FIG4: variants seen among roughly 807,000 people sequenced by gnomAD.
FIG4 encodes the protein FIG4 phosphoinositide 5-phosphatase, also known as polyphosphoinositide phosphatase.
Under a neutral mutation model 118.6 loss-of-function variants are expected in FIG4, and 112 were observed. The observed-to-expected ratio is 0.94, with a 90% confidence interval of 0.81 to 1.11. The LOEUF is 1.11. Ranked by LOEUF, FIG4 falls within the 50% of genes least tolerant of loss-of-function variation. The pLI is 0.00. For missense variants in FIG4, 969 were observed against 1,111.7 expected (o/e 0.87, Z 1.83); for synonymous variants, 369 against 381.2 (o/e 0.97, Z 0.37).
At chr6:109,794,825 C>T (rs1010817687) in intron 21 of FIG4, among the ~76,000 whole-genome samples, 1 of 152,214 alleles carries the variant, frequency 6.6e-6, no homozygotes, top group Non-Finnish European at 1.5e-5. Context: ...TGGCCTATCA[C>T]AGAACCAGTG....
At chr6:109,709,505 A>C (rs376297123) in intron 1 of FIG4, among the ~76,000 whole-genome samples, 63 of 152,290 alleles carry the variant, frequency 4.1e-4, no homozygotes, top group African/African-American at 4.1e-4. Context: ...GAAAAATGTC[A>C]GTGGTAGTTT....
intron 22 of FIG4, among the ~76,000 whole-genome samples, chr6:109,797,335 CTTAACTGCTGTGTTGT>C (rs1198747615): frequency 6.6e-6 from 1 of 152,150 alleles, no homozygotes; most frequent in Non-Finnish European, 1.5e-5. Flanking sequence ...GAGCAAATGA[CTTAACTGCTGTGTTGT>C]TGAGTTTCCT....
In FIG4 at chr6:109,760,199, C is replaced by T. The variant is rs377546853; in HGVS notation, c.1138-51C>T. The stretch of plus-strand genomic sequence containing the variant: ...TAAAAGTAAACATGTTGAGCCTGTT[C>T]CTCTGATTTAAGGAAATTAGAACAC... On this transcript the variant is annotated intron_variant, in intron 10 of 22. Coordinates refer to ENST00000230124, the MANE Select transcript of FIG4 (RefSeq NM_014845.6). The T allele has an allele frequency of 5.3e-6, 8 of 1,514,584 alleles. No individual in the cohort carries two copies. In the African/African-American group the frequency reaches 5.5e-5, roughly 10 times the overall value. 93.8% of individuals were successfully genotyped at this position (1,514,584 alleles called of 1,614,324 possible). A position where few individuals can be genotyped will look rare whatever the true frequency, so the allele number is the denominator to read the frequency against.
chr6:109,704,485 G>A (rs1171633980), intron 1 of FIG4, among the ~76,000 whole-genome samples: 3 of 151,964 alleles, frequency 2.0e-5, no homozygotes, highest in Admixed American at 2.0e-4. Context: ...GCGAAACCCT[G>A]TCTCTACTAA....
At chr6:109,704,796 G>T (rs762715475) in intron 1 of FIG4, among the ~76,000 whole-genome samples, 48 of 151,378 alleles carry the variant, frequency 3.2e-4, no homozygotes, top group Non-Finnish European at 1.6e-4. Context: ...TTTACATAAA[G>T]ATAGGTAGTA....
intron 1 of FIG4, among the ~76,000 whole-genome samples, chr6:109,710,935 C>G (rs1049182157): frequency 6.6e-6 from 1 of 151,502 alleles, no homozygotes; most frequent in Non-Finnish European, 1.5e-5. Context: ...CTGCCAGATT[C>G]ATTGACCTTT....
At chr6:109,747,309 T>C (rs765939814) in intron 10 of FIG4, among the ~76,000 whole-genome samples, 5 of 152,054 alleles carry the variant, frequency 3.3e-5, no homozygotes, top group South Asian at 2.1e-4. Flanking sequence ...AGAGCTTGTC[T>C]TGGGGATCTC....
intron 16 of FIG4, among the ~76,000 whole-genome samples, chr6:109,778,691 C>T (rs530710535): frequency 2.7e-4 from 41 of 152,096 alleles, no homozygotes; most frequent in African/African-American, 8.4e-4. Context: ...CTCTGCCTCC[C>T]GGGTTCACGC....
intron 1 of FIG4, among the ~76,000 whole-genome samples, chr6:109,710,387 G>A (rs969654623): frequency 1.3e-5 from 2 of 152,164 alleles, no homozygotes; most frequent in African/African-American, 4.8e-5. Context: ...TTGCATTGGT[G>A]TTCACAAGGA....
rs9487212 is a variant in FIG4 at position 109,772,418 on chromosome 6, G to A, written c.1751-4504G>A. Among the ~76,000 whole-genome samples, 1,008 of 152,166 alleles carry A rather than the reference G, an allele frequency of 6.6e-3. 11 individuals are homozygous for A. Among genetic ancestry groups the A allele is most frequent in the African/African-American group, 0.022 (920 of 41,522 alleles). ...GAACTCCAGACTCATTTATCTAAAT[G>A]TCTACCTAGCATCTCTGCTGGGATA... On this transcript the variant is annotated intron_variant, in intron 15 of 22. Transcript: ENST00000230124.
At chr6:109,706,456 T>C (rs1038515482) in intron 1 of FIG4, among the ~76,000 whole-genome samples, 24 of 152,306 alleles carry the variant, frequency 1.6e-4, no homozygotes, top group Middle Eastern at 6.8e-3. Context: ...CTATTCATGA[T>C]TGTCAATTTG....
intron 3 of FIG4, among the ~76,000 whole-genome samples, chr6:109,720,228 A>G (rs1312864080): frequency 6.6e-6 from 1 of 152,266 alleles, no homozygotes; most frequent in Non-Finnish European, 1.5e-5. Context: ...AGGGAGTAAT[A>G]AAAGTCTATG....
At chr6:109,778,870 A>G (rs527876870) in intron 16 of FIG4, among the ~76,000 whole-genome samples, 82 of 152,298 alleles carry the variant, frequency 5.4e-4, no homozygotes, top group Non-Finnish European at 8.5e-4. Context: ...AAGTGCTGGG[A>G]TTACAGGCGT....
In FIG4 at chr6:109,715,044, T is replaced by G. The variant is rs746446433; in HGVS notation, c.67-34T>G. ...TAAAATGTGTATAGGGCAAAATGCT[T>G]TGATAAACTAATGACATTCCTTTTT... is the stretch of plus-strand genomic sequence containing the variant. On this transcript the variant is annotated intron_variant, in intron 1 of 22. Coordinates refer to ENST00000230124, the MANE Select transcript of FIG4 (RefSeq NM_014845.6). The G allele has an allele frequency of 1.8e-5, 23 of 1,254,360 alleles. 1 individual carries two copies. In the South Asian group the frequency reaches 2.8e-4, roughly 15 times the overall value. The allele number at this position is 1,254,360 out of a possible 1,614,324, so 77.7% of individuals were successfully genotyped here. A position where few individuals can be genotyped will look rare whatever the true frequency, so the allele number is the denominator to read the frequency against.
At chr6:109,695,839 G>A (rs753152429) in intron 1 of FIG4, among the ~76,000 whole-genome samples, 1 of 152,312 alleles carries the variant, frequency 6.6e-6, no homozygotes, top group South Asian at 2.1e-4. Context: ...GCTGATCTGG[G>A]TGAAACAGCG....
chr6:109,707,375 A>G (rs558262887), intron 1 of FIG4, among the ~76,000 whole-genome samples: 6 of 148,322 alleles, frequency 4.0e-5, no homozygotes, highest in Non-Finnish European at 8.9e-5. Context: ...GTATATATAT[A>G]TACATATATA....
intron 13 of FIG4, among the ~76,000 whole-genome samples, chr6:109,764,764 T>C (rs1200499322): frequency 6.6e-6 from 1 of 152,258 alleles, no homozygotes; most frequent in East Asian, 1.9e-4. Context: ...AATTCAAATA[T>C]AGACCAGAAG....
intron 6 of FIG4, 84 bp from the exon 7 acceptor site, chr6:109,738,241 A>T: frequency 8.5e-7 from 1 of 1,180,628 alleles, no homozygotes; most frequent in Non-Finnish European, 1.2e-6. Context: ...GCCAATTTCC[A>T]TATCTTTCTG....
intron 22 of FIG4, among the ~76,000 whole-genome samples, chr6:109,797,618 G>A (rs1778322343): frequency 6.6e-6 from 1 of 151,974 alleles, no homozygotes; most frequent in Non-Finnish European, 1.5e-5. Context: ...ACTGTGGGCG[G>A]GGCATGGTAG....
Sources: allele counts gnomAD v4.1 joint callset (sites outside exome capture counted in the v4.1 genomes callset), GRCh38; gene constraint gnomAD v4.1.1; transcripts MANE v1.5; gene names NCBI Gene and HGNC (gene_info 2026-07-23, HGNC 2026-07-21).